The following KCP variants were observed in gnomAD, a reference collection of about 807,000 sequenced individuals.
KCP encodes the protein kielin cysteine rich BMP regulator.
Under a neutral mutation model 212.7 loss-of-function variants are expected in KCP, and 194 were observed. The ratio of observed to expected loss-of-function variants is 0.91; its 90% CI spans 0.81 to 1.03. The LOEUF (loss-of-function observed/expected upper bound fraction) is 1.03, where lower values mean the gene tolerates loss of function less well. Ranked by LOEUF, KCP falls within the 50% of genes least tolerant of loss-of-function variation. The probability of loss-of-function intolerance (pLI) is 0.00; values close to 1 mark genes in which losing one functional copy is unlikely to be tolerated. For synonymous variants in KCP, 833 were observed against 865.3 expected (o/e 0.96, Z 0.65); for missense variants, 2,080 against 2,162.5 (o/e 0.96, Z 0.76).
chr7:128,891,947 A>G, intron 16 of KCP, 128 bp from the exon 17 acceptor site: 1 of 645,800 alleles, frequency 1.5e-6, no homozygotes, highest in Non-Finnish European at 2.5e-6. Context: ...GGAAGTGGCC[A>G]TGTGCACATG....
In KCP at chr7:128,886,636, C is replaced by A. The variant is rs1793663599; in HGVS notation, c.2772+19G>T. The A allele has an allele frequency of 6.4e-7, 1 of 1,551,238 alleles. No individual in the cohort carries two copies. On this transcript the variant is annotated intron_variant, in intron 25 of 39. Coordinates refer to ENST00000610776, the MANE Select transcript of KCP (RefSeq NM_001366122.1). ...CTATGGTCCAGCTGTCACTCCACACCCCCCACCTCCTGCTATACCTGACAG... is the reference window on the plus strand; with the variant it reads ...CTATGGTCCAGCTGTCACTCCACACACCCCACCTCCTGCTATACCTGACAG...
rs530705090 is a variant in KCP at position 128,891,642 on chromosome 7, T to C, written c.1795+4A>G. On this transcript the variant is annotated splice_donor_region_variant and intron_variant, in intron 17 of 39. Coordinates refer to ENST00000610776, the MANE Select transcript of KCP (RefSeq NM_001366122.1). ...AGAAGGCCGCCCTGACCCGCCCACC[T>C]CACCGCTGCAGTCGTTCGGGCAGCA... 1 of 1,472,232 alleles carries C rather than the reference T, an allele frequency of 6.8e-7. No individual in the cohort carries two copies. Among genetic ancestry groups the C allele is most frequent in the Admixed American group, 2.4e-5 (1 of 41,070 alleles). 91.2% of individuals were successfully genotyped at this position (1,472,232 alleles called of 1,614,324 possible).
In KCP at chr7:128,906,084, T is replaced by C. The variant is rs374741412; in HGVS notation, c.571+195A>G. On this transcript the variant is annotated intron_variant, in intron 5 of 39. Coordinates refer to ENST00000610776, the MANE Select transcript of KCP (RefSeq NM_001366122.1). Reference sequence around the variant, plus strand: ...GAAAAAGATTTTGTGCCTGTTTCCCTATGGTCTCTGGCTCAGTCCCAGGCC... The same window carrying C: ...GAAAAAGATTTTGTGCCTGTTTCCCCATGGTCTCTGGCTCAGTCCCAGGCC... Among the ~76,000 whole-genome samples, 528 of 152,092 alleles carry C rather than the reference T, an allele frequency of 3.5e-3. 4 individuals carry two copies. Among genetic ancestry groups the C allele is most frequent in the South Asian group, 0.023 (110 of 4,824 alleles).
chr7:128,880,174 A>G, intron 34 of KCP, 89 bp from the exon 35 acceptor site: 2 of 1,399,494 alleles, frequency 1.4e-6, no homozygotes, highest in Non-Finnish European at 1.9e-6. Context: ...ATCTCCCAGG[A>G]GTCTCCAGGG....
chr7:128,896,190 G>A (rs1435652183), intron 8 of KCP, among the ~76,000 whole-genome samples: 2 of 152,192 alleles, frequency 1.3e-5, no homozygotes, highest in African/African-American at 4.8e-5. Flanking sequence ...CCCCCGACCA[G>A]AAGGAAATAG....
intron 22 of KCP, among the ~76,000 whole-genome samples, chr7:128,888,362 C>T (rs1258026670): frequency 1.0e-5 from 1 of 96,678 alleles, no homozygotes; most frequent in Non-Finnish European, 2.2e-5. Flanking sequence ...ACAGATACAC[C>T]CAAACACACA....
In KCP at chr7:128,880,451, A is replaced by T; in HGVS notation, c.3694T>A (p.Cys1232Ser). 1 of 1,547,624 alleles carries T rather than the reference A, an allele frequency of 6.5e-7. No individual in the cohort carries two copies. The highest frequency in any genetic ancestry group is 8.7e-7 in the Non-Finnish European group (1 of 1,145,268). ...CGCACGGTGCCCGCCATGCAGGAGC[A>T]GCTGGTGCAGGTGTCCACAGTCCAG... ...ERWTVDTCTS[C>S]SCMAGTVRCQ... Residue 1232 changes from cysteine (C) to serine (S), a missense_variant, in exon 34 of 40, where the codon TGC becomes AGC. Cys to Ser is a moderately radical substitution (Grantham distance 112, BLOSUM62 -1). Transcript: ENST00000610776.
At chr7:128,905,643 C>G (rs962212262) in intron 5 of KCP, among the ~76,000 whole-genome samples, 2 of 152,216 alleles carry the variant, frequency 1.3e-5, no homozygotes, top group African/African-American at 4.8e-5. Flanking sequence ...CTCAAGCGCC[C>G]CCTTGACCAT....
At chr7:128,878,525 C>T (rs1292675755) in intron 38 of KCP, 33 bp downstream of exon 38, 5 of 1,542,726 alleles carry the variant, frequency 3.2e-6, no homozygotes, top group Middle Eastern at 1.7e-4. Flanking sequence ...TGCGTCTCCC[C>T]TAATCCCCAT....
rs2128943808 is a variant in KCP, at chr7:128,877,648, G to A, written c.4454C>T (p.Ala1485Val). The change falls in exon 39 of 40, where the codon GCT becomes GTT. Residue 1485 changes from alanine (A) to valine (V), a missense_variant. Transcript: ENST00000610776. ...LKSSPFSRCH[A>V]VVPPEPFFAA... ...AAAGAAGGGCTCCGGTGGCACCACA[G>A]CATGGCAGCGACTGAATGGGGAGGA... is the stretch of plus-strand genomic sequence containing the variant. 6.4e-7 allele frequency: 1 copy of A among 1,551,660 alleles called. No homozygotes were observed. The highest frequency in any genetic ancestry group is 8.7e-7 in the Non-Finnish European group (1 of 1,147,002).
intron 16 of KCP, 139 bp from the exon 17 acceptor site, chr7:128,891,958 T>C: frequency 1.7e-6 from 1 of 593,744 alleles, no homozygotes; most frequent in Non-Finnish European, 2.8e-6. Context: ...TGTGCACATG[T>C]GTGCAGGCAT....
intron 22 of KCP, among the ~76,000 whole-genome samples, chr7:128,887,889 C>CCACG (rs1413884022): frequency 7.4e-6 from 1 of 135,952 alleles, no homozygotes; most frequent in Non-Finnish European, 1.6e-5. Context: ...ATACACATAG[C>CCACG]CACGCACACA....
At chr7:128,879,195 A>C (rs1254688300) in intron 37 of KCP, 3 of 405,564 alleles carry the variant, frequency 7.4e-6, no homozygotes, top group Admixed American at 3.9e-5. Flanking sequence ...ACACCCCCCC[A>C]GGAGACTTCA....
In KCP at chr7:128,908,174, TGGAAGGAA is replaced by T. The variant is rs1159252539; in HGVS notation, c.219+244_219+251del. ...GAGAGAGAGAAAGAGAGAAGAAGGA[TGGAAGGAA>T]GGAAGGAAGGAAAAGAAAGAAAAAA... On this transcript the variant is annotated intron_variant, in intron 2 of 39. Transcript: ENST00000610776. 3.0e-3 allele frequency among the ~76,000 whole-genome samples: 184 copies of T among 60,354 alleles called. 9 individuals are homozygous for T. Among genetic ancestry groups the T allele is most frequent in the African/African-American group, 0.012 (163 of 14,112 alleles). 39.6% of individuals were successfully genotyped at this position (60,354 alleles called of 152,430 possible).
In KCP at chr7:128,891,501, C is replaced by T. The variant is rs1474610844; in HGVS notation, c.1828G>A (p.Gly610Arg). 5.8e-6 allele frequency: 9 copies of T among 1,549,938 alleles called. No homozygotes were observed. The highest frequency in any genetic ancestry group is 1.4e-5 in the African/African-American group (1 of 73,010). ...TCAGAGGGGTGGGGGAAGTCCGCTC[C>T]GCTGGGGTACTCTTTCCCGCCAAAG... is the stretch of plus-strand genomic sequence containing the variant. ...CAFGGKEYPS[G>R]ADFPHPSDPC... The change falls in exon 18 of 40, where the codon GGA becomes AGA. Residue 610 changes from glycine to arginine, a missense_variant. Gly to Arg is a moderately radical substitution (Grantham distance 125). Transcript: ENST00000610776.
Position 128,876,967 on chromosome 7 carries a change from G to C in KCP, c.*76C>G, listed in dbSNP as rs907653742. 1.7e-5 allele frequency: 26 copies of C among 1,492,586 alleles called. No individual in the cohort carries two copies. The African/African-American group carries it at 3.3e-4, about 19-fold the overall frequency. 92.5% of individuals were successfully genotyped at this position (1,492,586 alleles called of 1,614,324 possible). A position where few individuals can be genotyped will look rare whatever the true frequency, so the allele number is the denominator to read the frequency against. On this transcript the variant is annotated 3_prime_UTR_variant, in exon 40 of 40. Coordinates refer to ENST00000610776, the MANE Select transcript of KCP (RefSeq NM_001366122.1). ...GTCCAGGCAGGGCATTCTCTCCATA[G>C]CCCTAACCAGGGTGGGAACTGCTCG...
In KCP at chr7:128,907,109, G is replaced by A. The variant is rs1030889060; in HGVS notation, c.478C>T (p.Arg160Cys). 2.1e-5 allele frequency: 33 copies of A among 1,551,276 alleles called. No homozygotes were observed. Among genetic ancestry groups the A allele is most frequent in the Middle Eastern group, 1.7e-4 (1 of 5,814 alleles). The stretch of plus-strand genomic sequence containing the variant: ...AGGTCCTGGGAGCTTACCAGACAGC[G>A]GCAGGTGGTGCAGGCATCTGGGGAG... ...TFSPDACTTC[R>C]CLEGTITCNQ... The change falls in exon 4 of 40, where the codon CGC (arginine) becomes TGC (cysteine). Residue 160 changes from arginine to cysteine, a missense_variant. By Grantham distance (180) the Arg-to-Cys change is radical. Coordinates refer to ENST00000610776, the MANE Select transcript of KCP (RefSeq NM_001366122.1).
In KCP at chr7:128,893,595, C is replaced by T. The variant is rs113922620; in HGVS notation, c.1100-119G>A. ...GAAGACCCAGCCGAGTTCTCCAGGG[C>T]GCCCTGCCAGCAGCCCCCTGCCCCC... On this transcript the variant is annotated intron_variant, in intron 11 of 39. Coordinates refer to ENST00000610776, the MANE Select transcript of KCP (RefSeq NM_001366122.1). 4,997 of 982,350 alleles carry T rather than the reference C, an allele frequency of 5.1e-3. 115 individuals carry two copies. In the African/African-American group the frequency reaches 0.059, roughly 12 times the overall value. 60.9% of individuals were successfully genotyped at this position (982,350 alleles called of 1,614,324 possible).
rs1368136340 is a variant in KCP at position 128,884,063 on chromosome 7, C to A, written c.3183G>T (p.Val1061=). Residue 1061 remains valine (V), a synonymous_variant, in exon 29 of 40, where the codon GTG becomes GTT. Transcript: ENST00000610776. ...GCAGGAGCTGGCTGGGGGGGCAGCC[C>A]ACCAGGCTGGGACACTGCCGCCGGT... is the stretch of plus-strand genomic sequence containing the variant. The part of the protein sequence containing the change: ...RCHRRQCPSL[V]GCPPSQLLPP... 1 of 1,545,426 alleles carries A rather than the reference C, an allele frequency of 6.5e-7. No homozygotes were observed. Among genetic ancestry groups the A allele is most frequent in the Admixed American group, 2.0e-5 (1 of 49,866 alleles).
Sources: allele counts gnomAD v4.1 joint callset (sites outside exome capture counted in the v4.1 genomes callset), GRCh38; gene constraint gnomAD v4.1.1; transcripts MANE v1.5; gene names NCBI Gene and HGNC (gene_info 2026-07-23, HGNC 2026-07-21).